Variants in NRG3 observed in about 807,000 individuals in gnomAD.
NRG3 encodes the protein neuregulin 3, also known as pro-neuregulin-3, membrane-bound isoform.
Under a neutral mutation model 66.9 loss-of-function variants are expected in NRG3, and 31 were observed. That is an observed-to-expected ratio of 0.46 (90% CI 0.35 to 0.63). The LOEUF is 0.63. Ranked by LOEUF, NRG3 falls within the 20% of genes least tolerant of loss-of-function variation. The probability of loss-of-function intolerance (pLI) is 0.00; values close to 1 mark genes in which losing one functional copy is unlikely to be tolerated. For synonymous variants in NRG3, 393 were observed against 359.4 expected, an observed-to-expected ratio of 1.09 and a Z score of -1.06; for missense variants, 910 against 878.9, an observed-to-expected ratio of 1.04 and a Z score of -0.45.
At chr10:82,820,532 T>A (rs1798591155) in intron 3 of NRG3, among the ~76,000 whole-genome samples, 1 of 152,192 alleles carries the variant, frequency 6.6e-6, no homozygotes, top group Admixed American at 6.5e-5. Context: ...ACTCAGAGCA[T>A]CTCTAGCAAG....
At chr10:82,526,230 G>A (rs917339647) in intron 2 of NRG3, among the ~76,000 whole-genome samples, 2 of 151,466 alleles carry the variant, frequency 1.3e-5, no homozygotes, top group Non-Finnish European at 3.0e-5. Context: ...CACAAAAATT[G>A]CAGGATAAAA....
chr10:82,160,242 T>G (rs187407972), intron 1 of NRG3, among the ~76,000 whole-genome samples: 2 of 152,102 alleles, frequency 1.3e-5, no homozygotes, highest in Admixed American at 1.3e-4. Flanking sequence ...AATGCACTTA[T>G]TCTGAAGTCC....
intron 2 of NRG3, among the ~76,000 whole-genome samples, chr10:82,557,259 G>A (rs899330858): frequency 1.3e-5 from 2 of 152,186 alleles, no homozygotes; most frequent in African/African-American, 4.8e-5. Flanking sequence ...AGCATCAACA[G>A]TGTATAAGTG....
At position 82,355,141 on chromosome 10, in the gene NRG3, C is replaced by T. The variant is rs1042641714; in HGVS notation, c.824-3598C>T. Among the ~76,000 whole-genome samples, 3 of 152,294 alleles carry T rather than the reference C, an allele frequency of 2.0e-5. No homozygotes were observed. In the East Asian group the frequency reaches 5.8e-4, roughly 29 times the overall value. ...CATAGCTTTAAAAAATATAAACAAG[C>T]TTCCAAAAGTGTTGAATTTGCTCAC... On this transcript the variant is annotated intron_variant, in intron 1 of 8. Coordinates refer to ENST00000372141, the MANE Select transcript of NRG3 (RefSeq NM_001010848.4).
At chr10:82,186,267 A>G (rs765124290) in intron 1 of NRG3, among the ~76,000 whole-genome samples, 4 of 152,172 alleles carry the variant, frequency 2.6e-5, no homozygotes, top group Admixed American at 6.5e-5. Flanking sequence ...ACCAGTAAAG[A>G]GGAATCCAGG....
chr10:81,954,258 A>G (rs1480030029), intron 1 of NRG3, among the ~76,000 whole-genome samples: 3 of 152,100 alleles, frequency 2.0e-5, no homozygotes, highest in African/African-American at 7.2e-5. Context: ...TCTGTGCTGG[A>G]GCTGACAGAA....
chr10:82,605,167 G>A (rs1411231379), intron 2 of NRG3, among the ~76,000 whole-genome samples: 6 of 151,954 alleles, frequency 3.9e-5, no homozygotes, highest in Admixed American at 6.6e-5. Context: ...TATGTTGTTA[G>A]CTATAGGATT....
In NRG3 at chr10:82,538,349, C is replaced by G. The variant is rs537649521; in HGVS notation, c.953+179481C>G. 1.2e-4 allele frequency among the ~76,000 whole-genome samples: 19 copies of G among 152,274 alleles called. No homozygotes were observed. In the South Asian group the frequency reaches 3.9e-3, roughly 32 times the overall value. On this transcript the variant is annotated intron_variant, in intron 2 of 8. Transcript: ENST00000372141. The stretch of plus-strand genomic sequence containing the variant: ...GCTGCAGTTTCTATCCTAAATAAAT[C>G]ATTTCTGATTGTATTATATCTTGAT...
At chr10:82,132,642 G>A (rs969671279) in intron 1 of NRG3, among the ~76,000 whole-genome samples, 1 of 149,320 alleles carries the variant, frequency 6.7e-6, no homozygotes, top group Admixed American at 6.8e-5. Context: ...AGTTTAAGTA[G>A]GATTGGTATT....
intron 1 of NRG3, among the ~76,000 whole-genome samples, chr10:81,943,387 C>T (rs1049050673): frequency 1.1e-4 from 17 of 152,070 alleles, no homozygotes; most frequent in East Asian, 1.9e-4. Flanking sequence ...AATAATTTGA[C>T]GCATTAAGTT....
chr10:81,876,810 G>A (rs1841705369), intron 1 of NRG3, among the ~76,000 whole-genome samples: 1 of 152,106 alleles, frequency 6.6e-6, no homozygotes, highest in Non-Finnish European at 1.5e-5. Flanking sequence ...CTCCTAGCCT[G>A]CCTGTGGCCA....
At chr10:82,968,882 G>A (rs921638318) in intron 6 of NRG3, among the ~76,000 whole-genome samples, 4 of 152,182 alleles carry the variant, frequency 2.6e-5, no homozygotes, top group Non-Finnish European at 5.9e-5. Context: ...TGGCTGGTGA[G>A]GCCTCATAAT....
intron 1 of NRG3, among the ~76,000 whole-genome samples, chr10:82,256,919 C>A: frequency 6.6e-6 from 1 of 152,124 alleles, no homozygotes; most frequent in Non-Finnish European, 1.5e-5. Flanking sequence ...GAAATGACTT[C>A]CTGCAAATGA....
chr10:82,970,061 T>C (rs1315060085), intron 6 of NRG3, among the ~76,000 whole-genome samples: 1 of 152,190 alleles, frequency 6.6e-6, no homozygotes, highest in Non-Finnish European at 1.5e-5. Context: ...TTTTTTTCAC[T>C]TTTGTGTTTA....
intron 2 of NRG3, among the ~76,000 whole-genome samples, chr10:82,492,323 A>T (rs1426618259): frequency 6.6e-6 from 1 of 152,220 alleles, no homozygotes; most frequent in Non-Finnish European, 1.5e-5. Flanking sequence ...TTTCAATCTC[A>T]TGCAGAACCA....
At chr10:81,977,161 T>A (rs1222842454) in intron 1 of NRG3, among the ~76,000 whole-genome samples, 2 of 152,226 alleles carry the variant, frequency 1.3e-5, no homozygotes, top group Non-Finnish European at 2.9e-5. Context: ...TTGCAGCCTC[T>A]GGTGACTTCC....
chr10:82,002,271 C>T (rs979929468), intron 1 of NRG3, among the ~76,000 whole-genome samples: 1 of 152,124 alleles, frequency 6.6e-6, no homozygotes. Flanking sequence ...ACACCTCAAA[C>T]TTCTCTGAAA....
chr10:82,575,149 C>T (rs1303553483), intron 2 of NRG3, among the ~76,000 whole-genome samples: 1 of 151,568 alleles, frequency 6.6e-6, no homozygotes, highest in Non-Finnish European at 1.5e-5. Context: ...ACAATGCATA[C>T]GTATTTTACA....
rs1564817424 is a variant in NRG3 at position 82,344,586 on chromosome 10, G to A, written c.824-14153G>A. Among the ~76,000 whole-genome samples the A allele has an allele frequency of 1.4e-5, 2 of 142,510 alleles. 1 individual carries two copies. Among genetic ancestry groups the A allele is most frequent in the Admixed American group, 1.4e-4 (2 of 14,710 alleles). The allele number at this position is 142,510 out of a possible 152,430, so 93.5% of individuals were successfully genotyped here. ...TCCTTTGGGTATATACCCAGTAATGGGATGGCTAGGTCAAATGGTATTTCC... is the reference window on the plus strand; with the variant it reads ...TCCTTTGGGTATATACCCAGTAATGAGATGGCTAGGTCAAATGGTATTTCC... On this transcript the variant is annotated intron_variant, in intron 1 of 8. Coordinates refer to ENST00000372141, the MANE Select transcript of NRG3 (RefSeq NM_001010848.4).
Sources: allele counts gnomAD v4.1 joint callset (sites outside exome capture counted in the v4.1 genomes callset), GRCh38; gene constraint gnomAD v4.1.1; transcripts MANE v1.5; gene names NCBI Gene and HGNC (gene_info 2026-07-23, HGNC 2026-07-21).